The following SERPINA12 variants were observed in gnomAD, a reference collection of about 807,000 sequenced individuals.
The protein encoded by SERPINA12 is serpin family A member 12.
In SERPINA12, 21 loss-of-function variants were observed where a neutral mutation model predicts 25.9. The ratio of observed to expected loss-of-function variants is 0.81; its 90% CI spans 0.58 to 1.17. The LOEUF is 1.17. SERPINA12 is among the 50% of genes most tolerant of loss of function. SERPINA12 has a pLI of 0.00. For synonymous variants in SERPINA12, 220 were observed against 196.0 expected (o/e 1.12, Z -1.02); for missense variants, 562 against 508.3 (o/e 1.11, Z -1.02).
chr14:94,506,657 T>C (rs1900941078), intron 1 of SERPINA12, among the ~76,000 whole-genome samples: 1 of 152,236 alleles, frequency 6.6e-6, no homozygotes, highest in Non-Finnish European at 1.5e-5. Context: ...AATAACCTAT[T>C]TCTAAAGCAG....
rs1900501470 is a variant in SERPINA12, at chr14:94,497,791, G to A, written c.607C>T (p.Leu203Phe). The A allele has an allele frequency of 1.2e-6, 2 of 1,607,822 alleles. No individual in the cohort carries two copies. Among genetic ancestry groups the A allele is most frequent in the Non-Finnish European group, 1.7e-6 (2 of 1,177,648 alleles). The change falls in exon 2 of 5, where the codon CTT (leucine) becomes TTT (phenylalanine). Residue 203 changes from leucine to phenylalanine, a missense_variant. Transcript: ENST00000677451. Reference sequence around the variant, plus strand: ...CGAAAGAAAATATAATTTGCAAGAAGCATCACAGTGCCGGGGTCTATATTC... The same window carrying A: ...CGAAAGAAAATATAATTTGCAAGAAACATCACAGTGCCGGGGTCTATATTC... ...IENIDPGTVM[L>F]LANYIFFRAR...
intron 4 of SERPINA12, among the ~76,000 whole-genome samples, 162 bp downstream of exon 4, chr14:94,489,458 G>T (rs565754698): frequency 1.2e-4 from 18 of 152,292 alleles, no homozygotes; most frequent in Middle Eastern, 3.4e-3. Flanking sequence ...TATGTGGTTT[G>T]CCCAGGATCA....
rs747579010 is a variant in SERPINA12, at chr14:94,498,445, A to G, written c.-33-15T>C. ...GAGTAGTAGACCTGAGGTCAGCAGA[A>G]AAAAAGAACATGATAACCCCATTGC... On this transcript the variant is annotated splice_polypyrimidine_tract_variant and intron_variant, in intron 1 of 4. Transcript: ENST00000677451. 3 of 1,571,942 alleles carry G rather than the reference A, an allele frequency of 1.9e-6. No individual in the cohort carries two copies. Among genetic ancestry groups the G allele is most frequent in the East Asian group, 2.2e-5 (1 of 44,610 alleles).
At chr14:94,503,913 C>T (rs1371432280) in intron 1 of SERPINA12, 1 of 152,216 alleles carries the variant, frequency 6.6e-6, no homozygotes, top group Non-Finnish European at 1.5e-5. Flanking sequence ...GCTTCTCTCT[C>T]TAGAAAAGCA....
chr14:94,499,985 C>T (rs577344122), intron 1 of SERPINA12, among the ~76,000 whole-genome samples: 1 of 152,280 alleles, frequency 6.6e-6, no homozygotes, highest in South Asian at 2.1e-4. Context: ...CACAGCAGCA[C>T]CAGCAAAAGG....
intron 3 of SERPINA12, among the ~76,000 whole-genome samples, chr14:94,491,902 G>C (rs976908381): frequency 1.3e-5 from 2 of 152,178 alleles, no homozygotes; most frequent in Non-Finnish European, 2.9e-5. Flanking sequence ...CATGGCAGTC[G>C]TGGTAATAGA....
intron 1 of SERPINA12, among the ~76,000 whole-genome samples, chr14:94,499,394 C>T (rs148665523): frequency 7.9e-5 from 12 of 152,294 alleles, no homozygotes; most frequent in East Asian, 1.9e-4. Flanking sequence ...CTTTTAGCTA[C>T]GTTTTCCCTT....
At chr14:94,488,677 T>C (rs1900008190) in intron 4 of SERPINA12, among the ~76,000 whole-genome samples, 1 of 152,220 alleles carries the variant, frequency 6.6e-6, no homozygotes, top group Non-Finnish European at 1.5e-5. Context: ...CTAAATCCGG[T>C]GACTCTACCT....
rs140686986 is a variant in SERPINA12 at position 94,500,042 on chromosome 14, C to G, written c.-33-1612G>C. Among the ~76,000 whole-genome samples, 616 of 152,332 alleles carry G rather than the reference C, an allele frequency of 4.0e-3. 4 individuals carry two copies. The highest frequency in any genetic ancestry group is 0.014 in the African/African-American group (588 of 41,580). On this transcript the variant is annotated intron_variant, in intron 1 of 4. Coordinates refer to ENST00000677451, the MANE Select transcript of SERPINA12 (RefSeq NM_001382267.1). ...GGGTCTGCACAGCTAAACTCCCATG[C>G]CTGGCTCTTTCTGGTTGGCTGAATA...
chr14:94,501,002 C>T, intron 1 of SERPINA12: 1 of 984,868 alleles, frequency 1.0e-6, no homozygotes, highest in Non-Finnish European at 1.2e-6. Context: ...TCTCTAAGCA[C>T]CTTCTACCCC....
upstream of SERPINA12, among the ~76,000 whole-genome samples, chr14:94,511,099 AAG>A (rs1208790513): frequency 1.5e-4 from 23 of 152,340 alleles, no homozygotes; most frequent in African/African-American, 5.3e-4. Flanking sequence ...GAAATTTAAA[AAG>A]AGCATTTCAG....
intron 3 of SERPINA12, among the ~76,000 whole-genome samples, chr14:94,492,717 T>A (rs1195616695): frequency 6.6e-6 from 1 of 152,170 alleles, no homozygotes; most frequent in Non-Finnish European, 1.5e-5. Flanking sequence ...AGTGCAGCTG[T>A]GCTGACAGGT....
At chr14:94,510,376 T>G (rs1025553476), upstream of SERPINA12, 18 of 532,458 alleles carry the variant, frequency 3.4e-5, no homozygotes, top group Non-Finnish European at 3.4e-5. Flanking sequence ...ATCAGGGAAA[T>G]GTAAATGAAA....
chr14:94,491,262 T>G (rs1428442892), intron 3 of SERPINA12, among the ~76,000 whole-genome samples: 2 of 152,188 alleles, frequency 1.3e-5, no homozygotes, highest in Non-Finnish European at 2.9e-5. Flanking sequence ...ACTAGCGGTA[T>G]GCAGAAGGCA....
At chr14:94,508,474 A>C (rs2139863891) in intron 1 of SERPINA12, among the ~76,000 whole-genome samples, 1 of 152,364 alleles carries the variant, frequency 6.6e-6, no homozygotes, top group Non-Finnish European at 1.5e-5. Flanking sequence ...CATTCGAGAA[A>C]AGGTGAACAA....
intron 1 of SERPINA12, among the ~76,000 whole-genome samples, chr14:94,498,671 T>C (rs576054460): frequency 6.6e-6 from 1 of 152,326 alleles, no homozygotes; most frequent in South Asian, 2.1e-4. Flanking sequence ...ACCCTCTTTA[T>C]GGAAACAGTG....
chr14:94,495,492 A>T (rs1900379946), intron 3 of SERPINA12, among the ~76,000 whole-genome samples: 1 of 152,230 alleles, frequency 6.6e-6, no homozygotes, highest in Non-Finnish European at 1.5e-5. Context: ...TGGGTTACTA[A>T]GCTCAGTCCT....
At chr14:94,510,949 G>A (rs566938498), upstream of SERPINA12, among the ~76,000 whole-genome samples, 1 of 152,088 alleles carries the variant, frequency 6.6e-6, no homozygotes, top group African/African-American at 2.4e-5. Context: ...AAGAAGGTTG[G>A]GAGGGGGTGG....
chr14:94,506,690 T>C (rs1211989044), intron 1 of SERPINA12, among the ~76,000 whole-genome samples: 1 of 152,222 alleles, frequency 6.6e-6, no homozygotes, highest in Admixed American at 6.5e-5. Context: ...TGGGAGTGCA[T>C]TACAATCATC....
Sources: allele counts gnomAD v4.1 joint callset (sites outside exome capture counted in the v4.1 genomes callset), GRCh38; gene constraint gnomAD v4.1.1; transcripts MANE v1.5; gene names NCBI Gene and HGNC (gene_info 2026-07-23, HGNC 2026-07-21).